The following STON2 variants were observed in gnomAD, a reference collection of about 807,000 sequenced individuals.
The protein encoded by STON2 is stonin-2.
A neutral mutation model predicts 65.7 loss-of-function variants in STON2; 29 were observed. The observed-to-expected ratio is 0.44, with a 90% CI of 0.33 to 0.60. The LOEUF is 0.60. Among genes scored for constraint, STON2 ranks in the 20% least tolerant of loss-of-function variants. The pLI, the probability that STON2 is intolerant of heterozygous loss-of-function variation, is 0.03. For synonymous variants in STON2, 404 were observed against 414.2 expected, an observed-to-expected ratio of 0.98 and a Z score of 0.30; for missense variants, 1,054 against 1,118.1, an observed-to-expected ratio of 0.94 and a Z score of 0.82.
At chr14:81,422,211 T>C (rs751652080) in intron 2 of STON2, among the ~76,000 whole-genome samples, 3 of 152,154 alleles carry the variant, frequency 2.0e-5, no homozygotes, top group Non-Finnish European at 4.4e-5. Context: ...ATGAATGGCT[T>C]GGTACCATTC....
At chr14:81,328,956 T>C (rs536955871) in intron 4 of STON2, among the ~76,000 whole-genome samples, 4 of 152,310 alleles carry the variant, frequency 2.6e-5, no homozygotes, top group South Asian at 2.1e-4. Context: ...TGAAGAACCA[T>C]GAGCCAAATA....
In STON2 at chr14:81,327,521, A is replaced by C. The variant is rs1897043749; in HGVS notation, c.572-3334T>G. Among the ~76,000 whole-genome samples the C allele has an allele frequency of 1.3e-5, 2 of 152,168 alleles. 1 individual carries two copies. The highest frequency in any genetic ancestry group is 3.9e-4 in the East Asian group (2 of 5,192). On this transcript the variant is annotated intron_variant, in intron 4 of 7. Coordinates refer to ENST00000614646, the MANE Select transcript of STON2 (RefSeq NM_001394390.1). ...TTAAAAGGCAGTCTTACGTACTTCC[A>C]TCAAGAGGCAACTGGCGTTTGATAA...
At chr14:81,356,103 C>T (rs1280805663) in intron 4 of STON2, among the ~76,000 whole-genome samples, 1 of 152,196 alleles carries the variant, frequency 6.6e-6, no homozygotes, top group African/African-American at 2.4e-5. Context: ...AAAGGGAATG[C>T]TTCCAGTTCT....
In STON2 at chr14:81,365,242, G is replaced by A. The variant is rs368711438; in HGVS notation, c.571+5746C>T. On this transcript the variant is annotated intron_variant, in intron 4 of 7. Coordinates refer to ENST00000614646, the MANE Select transcript of STON2 (RefSeq NM_001394390.1). ...GGAAAGGCCCACGTCTTGTTTGCTGGCTTTGGGTCTCTTCTTCAGTCTCGT... is the reference window on the plus strand; with the variant it reads ...GGAAAGGCCCACGTCTTGTTTGCTGACTTTGGGTCTCTTCTTCAGTCTCGT... 5.3e-5 allele frequency among the ~76,000 whole-genome samples: 8 copies of A among 152,250 alleles called. No homozygotes were observed. The East Asian group carries it at 1.4e-3, about 26-fold the overall frequency.
intron 2 of STON2, among the ~76,000 whole-genome samples, chr14:81,411,747 A>T (rs1901171834): frequency 1.3e-5 from 2 of 152,248 alleles, no homozygotes; most frequent in African/African-American, 4.8e-5. Context: ...AATAAATTTT[A>T]AAAAGTAAAT....
In STON2 at chr14:81,411,471, C is replaced by T. The variant is rs570198226; in HGVS notation, c.-198-12891G>A. On this transcript the variant is annotated intron_variant, in intron 2 of 8. Coordinates refer to the STON2 transcript ENST00000553821. The stretch of plus-strand genomic sequence containing the variant: ...CCTGTAATCCCAGCACTTTGGGAGG[C>T]CAAGGCAGGTGGATCACCTGAGGTC... Among the ~76,000 whole-genome samples the T allele has an allele frequency of 3.3e-5, 5 of 152,342 alleles. No individual in the cohort carries two copies. The East Asian group carries it at 7.7e-4, about 24-fold the overall frequency.
At chr14:81,376,798 T>C (rs1490972007) in intron 3 of STON2, among the ~76,000 whole-genome samples, 2 of 152,200 alleles carry the variant, frequency 1.3e-5, no homozygotes, top group African/African-American at 4.8e-5. Context: ...AATTATATAA[T>C]GACTAAATTG....
intron 1 of STON2, among the ~76,000 whole-genome samples, chr14:81,427,757 C>T (rs1415754618): frequency 2.0e-5 from 3 of 152,000 alleles, no homozygotes; most frequent in African/African-American, 7.2e-5. Flanking sequence ...CTTTGACTGC[C>T]CTGCTGATAC....
At chr14:81,339,598 C>G (rs1897512448) in intron 4 of STON2, among the ~76,000 whole-genome samples, 1 of 152,142 alleles carries the variant, frequency 6.6e-6, no homozygotes, top group Admixed American at 6.5e-5. Context: ...ACAGCATAGC[C>G]CCTGTTCAAT....
At chr14:81,274,147 G>A (rs1175705820) in intron 6 of STON2, among the ~76,000 whole-genome samples, 1 of 152,116 alleles carries the variant, frequency 6.6e-6, no homozygotes, top group African/African-American at 2.4e-5. Context: ...TCCAAAAAAG[G>A]GTGCTGTCCA....
At chr14:81,399,124 G>A (rs1035381834) in intron 1 of STON2, among the ~76,000 whole-genome samples, 4 of 152,174 alleles carry the variant, frequency 2.6e-5, no homozygotes, top group African/African-American at 4.8e-5. Flanking sequence ...GGAGTAAGAG[G>A]ATAGGGAACA....
intron 4 of STON2, among the ~76,000 whole-genome samples, chr14:81,336,595 T>C (rs1164106067): frequency 6.6e-6 from 1 of 151,938 alleles, no homozygotes; most frequent in Non-Finnish European, 1.5e-5. Flanking sequence ...AAATGTGGAA[T>C]GATGGCAGCT....
intron 4 of STON2, among the ~76,000 whole-genome samples, chr14:81,350,598 C>T (rs1172646998): frequency 1.3e-5 from 2 of 152,016 alleles, no homozygotes; most frequent in East Asian, 3.9e-4. Flanking sequence ...AATGACAAGG[C>T]CTGGCTCTGC....
At chr14:81,385,142 A>G (rs975080933) in intron 3 of STON2, among the ~76,000 whole-genome samples, 1 of 152,232 alleles carries the variant, frequency 6.6e-6, no homozygotes, top group Non-Finnish European at 1.5e-5. Context: ...TAATTGATGC[A>G]TGCTTGGGTG....
At chr14:81,436,035 G>A (rs1157511738) in intron 1 of STON2, 1 of 152,368 alleles carries the variant, frequency 6.6e-6, no homozygotes, top group Non-Finnish European at 1.5e-5. Flanking sequence ...TCGGCCAGAA[G>A]TGTCTGTGTA....
intron 4 of STON2, among the ~76,000 whole-genome samples, chr14:81,364,890 TA>T (rs1161228614): frequency 6.6e-6 from 1 of 152,018 alleles, no homozygotes; most frequent in Non-Finnish European, 1.5e-5. Context: ...CTGATAGCAA[TA>T]ACATAAACAC....
At chr14:81,273,467 A>G (rs1391196363) in intron 6 of STON2, among the ~76,000 whole-genome samples, 1 of 152,206 alleles carries the variant, frequency 6.6e-6, no homozygotes, top group Admixed American at 6.5e-5. Flanking sequence ...AAAGCCACTT[A>G]TGCAGGACAG....
chr14:81,303,720 A>C (rs1896060579), intron 5 of STON2, among the ~76,000 whole-genome samples: 1 of 152,206 alleles, frequency 6.6e-6, no homozygotes, highest in Middle Eastern at 3.4e-3. Context: ...CCCTATGACA[A>C]CCCAAGGGGA....
In STON2 at chr14:81,261,047, T is replaced by A. The variant is rs1894120918; in HGVS notation, c.*7367A>T. On this transcript the variant is annotated 3_prime_UTR_variant, in exon 8 of 8. Coordinates refer to ENST00000614646, the MANE Select transcript of STON2 (RefSeq NM_001394390.1). The stretch of plus-strand genomic sequence containing the variant: ...GATTAATCTCTTGAATACGGTAGTT[T>A]TCTCCAGGTTCTCTTGTTAAGTAGA... 1 of 152,218 alleles carries A rather than the reference T, an allele frequency of 6.6e-6. No homozygotes were observed. The highest frequency in any genetic ancestry group is 1.5e-5 in the Non-Finnish European group (1 of 68,042). 9.4% of individuals were successfully genotyped at this position (152,218 alleles called of 1,614,324 possible). A position where few individuals can be genotyped will look rare whatever the true frequency, so the allele number is the denominator to read the frequency against.
Sources: allele counts gnomAD v4.1 joint callset (sites outside exome capture counted in the v4.1 genomes callset), GRCh38; gene constraint gnomAD v4.1.1; transcripts MANE v1.5; gene names NCBI Gene and HGNC (gene_info 2026-07-23, HGNC 2026-07-21).